Variants in ENTREP2 observed in about 807,000 individuals in gnomAD.
ENTREP2 encodes the protein protein ENTREP2.
chr15:29,585,554 A>G, the ENTREP2 span, among the ~76,000 whole-genome samples: 4 of 152,130 alleles, frequency 2.6e-5, no homozygotes, highest in Admixed American at 2.0e-4. Flanking sequence ...AGCCAGTGGA[A>G]CATAAAACGG....
At chr15:29,301,815 C>A in the ENTREP2 span, among the ~76,000 whole-genome samples, 4 of 152,168 alleles carry the variant, frequency 2.6e-5, no homozygotes, top group Non-Finnish European at 5.9e-5. Context: ...AAAAGAGGCT[C>A]CAGAGAACTT....
chr15:29,145,394 G>C, the ENTREP2 span, among the ~76,000 whole-genome samples: 1 of 151,956 alleles, frequency 6.6e-6, no homozygotes, highest in East Asian at 1.9e-4. Flanking sequence ...AGGCCGAGGT[G>C]GGCAGATCAC....
At chr15:29,142,696 G>A in the ENTREP2 span, among the ~76,000 whole-genome samples, 1 of 152,136 alleles carries the variant, frequency 6.6e-6, no homozygotes, top group East Asian at 1.9e-4. Flanking sequence ...AACTCTGTAG[G>A]GCAGACAGCT....
chr15:29,538,638 C>CAAAAAA, the ENTREP2 span, among the ~76,000 whole-genome samples: 7 of 78,988 alleles, frequency 8.9e-5, no homozygotes, highest in Admixed American at 1.6e-4. Flanking sequence ...ACTAAAAATA[C>CAAAAAA]AAAAAAAAAA....
At chr15:29,578,559 T>C in the ENTREP2 span, among the ~76,000 whole-genome samples, 5 of 152,204 alleles carry the variant, frequency 3.3e-5, no homozygotes, top group Non-Finnish European at 7.4e-5. Context: ...AGAGAAGAAA[T>C]CTAATTTGAC....
the ENTREP2 span, among the ~76,000 whole-genome samples, chr15:29,668,538 C>G: frequency 6.6e-6 from 1 of 152,144 alleles, no homozygotes; most frequent in Non-Finnish European, 1.5e-5. Context: ...AATTGGTGAA[C>G]ATGTTGTGGT....
At chr15:29,550,525 G>A in the ENTREP2 span, among the ~76,000 whole-genome samples, 3 of 152,166 alleles carry the variant, frequency 2.0e-5, no homozygotes, top group African/African-American at 4.8e-5. Flanking sequence ...TTACCAAAGC[G>A]AGTAAAAATC....
chr15:29,518,057 C>A, the ENTREP2 span, among the ~76,000 whole-genome samples: 1 of 152,040 alleles, frequency 6.6e-6, no homozygotes, highest in African/African-American at 2.4e-5. Flanking sequence ...GGCAACACAG[C>A]AAGACCCTAT....
the ENTREP2 span, chr15:29,376,142 A>G: frequency 6.6e-6 from 1 of 152,192 alleles, no homozygotes; most frequent in African/African-American, 2.4e-5. Flanking sequence ...GTAAAAATAA[A>G]TTCTAAAAAA....
chr15:29,507,003 A>G, the ENTREP2 span, among the ~76,000 whole-genome samples: 32 of 152,314 alleles, frequency 2.1e-4, 2 homozygotes, highest in Middle Eastern at 0.01. Context: ...TGCTGTATTT[A>G]GGAGACCCAT....
At chr15:29,209,789 G>T in the ENTREP2 span, among the ~76,000 whole-genome samples, 1 of 152,108 alleles carries the variant, frequency 6.6e-6, no homozygotes. Flanking sequence ...CTCTTCCTGT[G>T]AGTCTCTCTG....
At chr15:29,461,719 C>T in the ENTREP2 span, among the ~76,000 whole-genome samples, 4 of 152,118 alleles carry the variant, frequency 2.6e-5, no homozygotes, top group South Asian at 2.1e-4. Context: ...GTGATCCACC[C>T]GCTTCGGCCT....
the ENTREP2 span, among the ~76,000 whole-genome samples, chr15:29,378,404 CGGCTAGACCACA>C: frequency 6.6e-6 from 1 of 152,116 alleles, no homozygotes. Context: ...TTAGTCAACT[CGGCTAGACCACA>C]GTACCCAGAT....
At chr15:29,575,378 T>A in the ENTREP2 span, among the ~76,000 whole-genome samples, 8 of 152,176 alleles carry the variant, frequency 5.3e-5, no homozygotes, top group Non-Finnish European at 1.0e-4. Flanking sequence ...AGGACATTTA[T>A]GAAAGACCCA....
the ENTREP2 span, among the ~76,000 whole-genome samples, chr15:29,320,211 A>G: frequency 0.059 from 9,038 of 152,118 alleles, 859 homozygotes; most frequent in African/African-American, 0.21. Context: ...CCACACACAC[A>G]CCTTCCCACC....
chr15:29,261,404 C>T, the ENTREP2 span, among the ~76,000 whole-genome samples: 1 of 152,124 alleles, frequency 6.6e-6, no homozygotes, highest in Non-Finnish European at 1.5e-5. Context: ...ATTAGCCAGG[C>T]ATGGTGGCGC....
the ENTREP2 span, among the ~76,000 whole-genome samples, chr15:29,589,330 T>C: frequency 1.3e-5 from 2 of 152,226 alleles, no homozygotes; most frequent in African/African-American, 4.8e-5. Flanking sequence ...GCATGTTTGT[T>C]TACAATTTCA....
chr15:29,184,416 C>T, the ENTREP2 span, among the ~76,000 whole-genome samples: 296 of 152,274 alleles, frequency 1.9e-3, no homozygotes, highest in South Asian at 2.3e-3. Flanking sequence ...TGCTCTGCTG[C>T]GATTCTTCAG....
chr15:29,260,012 G>C, the ENTREP2 span, among the ~76,000 whole-genome samples: 2 of 152,132 alleles, frequency 1.3e-5, no homozygotes, highest in African/African-American at 4.8e-5. Context: ...AGAAACACAT[G>C]AATTAACAAA....
Sources: gnomAD v4.1 joint callset for allele counts (sites outside exome capture counted in the v4.1 genomes callset) on GRCh38, gnomAD v4.1.1 for gene constraint, MANE v1.5 for transcripts, NCBI Gene and HGNC (gene_info 2026-07-23, HGNC 2026-07-21) for gene names.